The following RAI14 variants were observed in gnomAD, a reference collection of about 807,000 sequenced individuals.
RAI14 encodes retinoic acid induced 14, also known as ankycorbin.
RAI14 carries 45 observed loss-of-function variants against 115.4 expected under a neutral mutation model. That is an observed-to-expected ratio of 0.39 (90% confidence interval 0.31 to 0.50). RAI14 has a LOEUF of 0.50. Among genes scored for constraint, RAI14 ranks in the 20% least tolerant of loss-of-function variants. The pLI is 0.85. For missense variants in RAI14, 939 were observed against 1,131.2 expected, an observed-to-expected ratio of 0.83 and a Z score of 2.44; for synonymous variants, 371 against 415.4, an observed-to-expected ratio of 0.89 and a Z score of 1.30.
chr5:34,696,202 A>G (rs529321656), intron 2 of RAI14, among the ~76,000 whole-genome samples: 13 of 152,054 alleles, frequency 8.5e-5, no homozygotes, highest in African/African-American at 2.9e-4. Context: ...GCAGTGGCAC[A>G]ATCTTGGCTC....
At chr5:34,796,575 TATTATTTTCTAAG>T (rs1753567011) in intron 4 of RAI14, among the ~76,000 whole-genome samples, 3 of 152,190 alleles carry the variant, frequency 2.0e-5, no homozygotes, top group Non-Finnish European at 4.4e-5. Flanking sequence ...TCATTTTTTA[TATTATTTTCTAAG>T]ATTATATGTA....
chr5:34,720,433 T>C lies in RAI14; in HGVS notation c.36+33478T>C, dbSNP rs570423370. ...TTTTTTTTTTTTTTTTTTTTTGAGA[T>C]GGAGTCTCGCTCTGTCGCCCAGGCT... On this transcript the variant is annotated intron_variant, in intron 2 of 17. Transcript: ENST00000265109. 3.6e-3 allele frequency among the ~76,000 whole-genome samples: 449 copies of C among 124,508 alleles called. 3 individuals are homozygous for C. Among genetic ancestry groups the C allele is most frequent in the South Asian group, 0.017 (66 of 3,954 alleles). 81.7% of individuals were successfully genotyped at this position (124,508 alleles called of 152,430 possible). A position where few individuals can be genotyped will look rare whatever the true frequency, so the allele number is the denominator to read the frequency against.
At chr5:34,716,947 C>T (rs1380343243) in intron 2 of RAI14, 1 of 152,166 alleles carries the variant, frequency 6.6e-6, no homozygotes, top group East Asian at 1.9e-4. Context: ...TCATCCCCCT[C>T]ACAATGTATT....
chr5:34,799,350 T>C (rs1177672734), intron 4 of RAI14, among the ~76,000 whole-genome samples: 2 of 152,186 alleles, frequency 1.3e-5, no homozygotes, highest in Non-Finnish European at 1.5e-5. Context: ...TGTCTTTCCA[T>C]GTGGAACCTA....
At chr5:34,783,111 G>C (rs1751863841) in intron 3 of RAI14, among the ~76,000 whole-genome samples, 5 of 152,346 alleles carry the variant, frequency 3.3e-5, no homozygotes, top group Admixed American at 3.3e-4. Flanking sequence ...TGCCCAATAA[G>C]TATAATTGTT....
At chr5:34,664,271 CT>C (rs1177287473) in intron 1 of RAI14, among the ~76,000 whole-genome samples, 2 of 151,460 alleles carry the variant, frequency 1.3e-5, no homozygotes, top group Non-Finnish European at 2.9e-5. Context: ...GGGCAGACCA[CT>C]TGAGCTCAGG....
intron 2 of RAI14, among the ~76,000 whole-genome samples, chr5:34,730,465 C>T (rs916377570): frequency 3.3e-5 from 5 of 151,964 alleles, no homozygotes; most frequent in South Asian, 2.1e-4. Context: ...TCTCTTGAAG[C>T]GGGAGTTCAA....
intron 12 of RAI14, among the ~76,000 whole-genome samples, chr5:34,817,654 C>T (rs1398541014): frequency 6.6e-6 from 1 of 151,986 alleles, no homozygotes; most frequent in Admixed American, 6.6e-5. Context: ...TATTATCTGC[C>T]AATAAAGAGG....
intron 3 of RAI14, among the ~76,000 whole-genome samples, chr5:34,793,780 G>A (rs1753197642): frequency 6.6e-6 from 1 of 152,092 alleles, no homozygotes; most frequent in Admixed American, 6.6e-5. Context: ...CTTGTCATAG[G>A]AGATGGCATA....
chr5:34,804,125 C>T (rs1335019352), intron 5 of RAI14, among the ~76,000 whole-genome samples: 1 of 152,150 alleles, frequency 6.6e-6, no homozygotes, highest in Non-Finnish European at 1.5e-5. Flanking sequence ...GAGATCCTTA[C>T]CACACAGGAT....
chr5:34,782,857 T>G (rs1751834041), intron 3 of RAI14, among the ~76,000 whole-genome samples: 1 of 152,200 alleles, frequency 6.6e-6, no homozygotes, highest in South Asian at 2.1e-4. Flanking sequence ...AGGGGAATAA[T>G]CAATGATGAT....
At chr5:34,775,443 G>A (rs1580214903) in intron 3 of RAI14, among the ~76,000 whole-genome samples, 1 of 152,138 alleles carries the variant, frequency 6.6e-6, no homozygotes, top group East Asian at 1.9e-4. Context: ...TTTAAAAATG[G>A]GCAAAAGGTA....
intron 2 of RAI14, among the ~76,000 whole-genome samples, chr5:34,750,687 A>G (rs779859087): frequency 1.3e-5 from 2 of 152,096 alleles, no homozygotes; most frequent in Non-Finnish European, 2.9e-5. Context: ...ACGTTCTAAC[A>G]AGTAGTTATA....
rs140871212 is a variant in RAI14 at position 34,794,640 on chromosome 5, T to C, written c.168-1299T>C. ...AGGGAACCATTAGAAATTATTTGACTTGATCCCCAGCCTTTACAATGGAGG... is the reference window on the plus strand; with the variant it reads ...AGGGAACCATTAGAAATTATTTGACCTGATCCCCAGCCTTTACAATGGAGG... On this transcript the variant is annotated intron_variant, in intron 3 of 17. Coordinates refer to ENST00000265109, the MANE Select transcript of RAI14 (RefSeq NM_015577.3). Among the ~76,000 whole-genome samples, 909 of 152,314 alleles carry C rather than the reference T, an allele frequency of 6.0e-3. 10 individuals are homozygous for C. Among genetic ancestry groups the C allele is most frequent in the African/African-American group, 0.021 (874 of 41,570 alleles).
intron 2 of RAI14, among the ~76,000 whole-genome samples, chr5:34,746,500 G>A (rs1209239927): frequency 1.3e-5 from 2 of 151,024 alleles, no homozygotes; most frequent in Non-Finnish European, 2.9e-5. Context: ...TGTCTCCTGG[G>A]TTCAAGCAAT....
chr5:34,698,603 G>A (rs1739633153), intron 2 of RAI14, among the ~76,000 whole-genome samples: 1 of 152,032 alleles, frequency 6.6e-6, no homozygotes, highest in Admixed American at 6.6e-5. Flanking sequence ...GGGTAGGTTG[G>A]GATTAACAGA....
chr5:34,661,861 C>T (rs1742714336), intron 1 of RAI14, among the ~76,000 whole-genome samples: 2 of 152,192 alleles, frequency 1.3e-5, no homozygotes, highest in South Asian at 4.1e-4. Flanking sequence ...TGGGATCTTG[C>T]TCTGTTCTGG....
chr5:34,812,248 C>A lies in RAI14; in HGVS notation c.765+40C>A. 3.3e-6 allele frequency: 5 copies of A among 1,519,648 alleles called. No individual in the cohort carries two copies. The South Asian group carries it at 4.8e-5, about 15-fold the overall frequency. The allele number at this position is 1,519,648 out of a possible 1,614,324, so 94.1% of individuals were successfully genotyped here. On this transcript the variant is annotated intron_variant, in intron 10 of 17. Coordinates refer to ENST00000265109, the MANE Select transcript of RAI14 (RefSeq NM_015577.3). ...GGGAGGCTTCTATGTTTCATTTATG[C>A]TTGTGGGAATTTAAAAATGTTCAGA... is the stretch of plus-strand genomic sequence containing the variant.
chr5:34,801,340 A>G (rs2150227045), intron 4 of RAI14, among the ~76,000 whole-genome samples: 1 of 152,344 alleles, frequency 6.6e-6, no homozygotes, highest in African/African-American at 2.4e-5. Context: ...TTTTTATGCC[A>G]TTCACCATAG....
Sources: gnomAD v4.1 joint callset for allele counts (sites outside exome capture counted in the v4.1 genomes callset) on GRCh38, gnomAD v4.1.1 for gene constraint, MANE v1.5 for transcripts, NCBI Gene and HGNC (gene_info 2026-07-23, HGNC 2026-07-21) for gene names.